Variants in MS4A4A observed in about 807,000 individuals in gnomAD.
MS4A4A encodes membrane spanning 4-domains A4A.
Under a neutral mutation model 28.0 loss-of-function variants are expected in MS4A4A, and 26 were observed. The ratio of observed to expected loss-of-function variants is 0.93; its 90% CI spans 0.68 to 1.29. The LOEUF is 1.29. Among genes scored for constraint, MS4A4A ranks in the 50% most tolerant of loss-of-function variants. The pLI is 0.00. For synonymous variants in MS4A4A, 86 were observed against 100.8 expected (o/e 0.85, Z 0.88); for missense variants, 290 against 293.1 (o/e 0.99, Z 0.08).
chr11:60,281,648 C>T lies in MS4A4A; in HGVS notation c.41+932C>T, dbSNP rs551279466. Among the ~76,000 whole-genome samples the T allele has an allele frequency of 2.0e-5, 3 of 152,250 alleles. No individual in the cohort carries two copies. In the East Asian group the frequency reaches 5.8e-4, roughly 29 times the overall value. On this transcript the variant is annotated intron_variant, in intron 1 of 6. Coordinates refer to ENST00000337908, the MANE Select transcript of MS4A4A (RefSeq NM_148975.3). ...ACGGATGGCTGTTTGTACCACTCTCCTCATGCTCTCTCCTTGCAATTGTGA... is the reference window on the plus strand; with the variant it reads ...ACGGATGGCTGTTTGTACCACTCTCTTCATGCTCTCTCCTTGCAATTGTGA...
rs770080559 is a variant in MS4A4A at position 60,300,982 on chromosome 11, T to C, written c.331-19T>C. On this transcript the variant is annotated intron_variant, in intron 3 of 6. Coordinates refer to ENST00000337908, the MANE Select transcript of MS4A4A (RefSeq NM_148975.3). ...ACTGGCTTAAAGTTTTTTACCTTCA[T>C]TTTTTCTCTCATTTTTAGTTTATTA... The C allele has an allele frequency of 6.3e-7, 1 of 1,582,392 alleles. No individual in the cohort carries two copies. The highest frequency in any genetic ancestry group is 1.2e-5 in the South Asian group (1 of 86,448).
In MS4A4A at chr11:60,292,293, T is replaced by C; in HGVS notation, c.110T>C (p.Val37Ala). The C allele has an allele frequency of 1.2e-6, 2 of 1,608,400 alleles. No individual in the cohort carries two copies. Among genetic ancestry groups the C allele is most frequent in the Non-Finnish European group, 1.7e-6 (2 of 1,177,522 alleles). ...EQAMPGAGPGVPQLGNMAVIH... is the reference protein window; with the variant it reads ...EQAMPGAGPGAPQLGNMAVIH... Reference sequence around the variant, plus strand: ...GCCATGCCAGGGGCTGGCCCTGGTGTGCCCCAGCTGGGAAACATGGCTGTC... The same window carrying C: ...GCCATGCCAGGGGCTGGCCCTGGTGCGCCCCAGCTGGGAAACATGGCTGTC... The change falls in exon 2 of 7, where the codon GTG (valine) becomes GCG (alanine). Residue 37 changes from valine to alanine, a missense_variant. Transcript: ENST00000337908.
At chr11:60,301,211 C>T (rs1015430121) in intron 4 of MS4A4A, among the ~76,000 whole-genome samples, 154 bp downstream of exon 4, 21 of 152,160 alleles carry the variant, frequency 1.4e-4, no homozygotes, top group African/African-American at 4.8e-4. Context: ...TCAAAAACTG[C>T]AGTCAGGCTA....
intron 1 of MS4A4A, among the ~76,000 whole-genome samples, chr11:60,286,145 C>T (rs925213486): frequency 1.3e-5 from 2 of 152,162 alleles, no homozygotes; most frequent in South Asian, 2.1e-4. Flanking sequence ...TTGTTCTGCC[C>T]GGCCCCGCAG....
rs142505660 is a variant in MS4A4A, at chr11:60,308,139, G to A, written c.681G>A (p.Met227Ile). 1 of 1,613,978 alleles carries A rather than the reference G, an allele frequency of 6.2e-7. No individual in the cohort carries two copies. Among genetic ancestry groups the A allele is most frequent in the Admixed American group, 1.7e-5 (1 of 60,012 alleles). ...TAATTCTGCCATCACATTCTCACAT[G>A]GCAGAAACAGCATCTCCCACACCAC... ...VVLILPSHSHMAETASPTPLN... is the reference protein window; with the variant it reads ...VVLILPSHSHIAETASPTPLN... Residue 227 changes from methionine (M) to isoleucine (I), a missense_variant, in exon 7 of 7, where the codon ATG (methionine) becomes ATA (isoleucine). By Grantham distance (10) the Met-to-Ile change is conservative. Coordinates refer to ENST00000337908, the MANE Select transcript of MS4A4A (RefSeq NM_148975.3).
chr11:60,284,295 T>C (rs17154674), intron 1 of MS4A4A, among the ~76,000 whole-genome samples: 2,177 of 152,278 alleles, frequency 0.014, 121 homozygotes, highest in Admixed American at 0.1. Context: ...AAATGCTAAA[T>C]ACATATTGAC....
In MS4A4A at chr11:60,308,939, T is replaced by G. The variant is rs1019669220; in HGVS notation, c.*761T>G. ...ATTTGTTAAATACGTTTGTTTTTAT[T>G]GCAGAGCAAAAATAAATCAAATTAG... On this transcript the variant is annotated 3_prime_UTR_variant, in exon 7 of 7. Coordinates refer to ENST00000337908, the MANE Select transcript of MS4A4A (RefSeq NM_148975.3). 6.6e-6 allele frequency: 1 copy of G among 152,258 alleles called. No homozygotes were observed. The highest frequency in any genetic ancestry group is 1.5e-5 in the Non-Finnish European group (1 of 68,048). The allele number at this position is 152,258 out of a possible 1,614,324, so 9.4% of individuals were successfully genotyped here.
At chr11:60,286,606 C>T (rs2084805881) in intron 1 of MS4A4A, among the ~76,000 whole-genome samples, 1 of 152,218 alleles carries the variant, frequency 6.6e-6, no homozygotes, top group South Asian at 2.1e-4. Flanking sequence ...ATTACCCACC[C>T]TCTATGCTCA....
At chr11:60,282,178 A>T (rs2084760572) in intron 1 of MS4A4A, among the ~76,000 whole-genome samples, 1 of 152,178 alleles carries the variant, frequency 6.6e-6, no homozygotes, top group Admixed American at 6.5e-5. Flanking sequence ...ATTTTGATAT[A>T]ATTGCTCTGC....
intron 1 of MS4A4A, among the ~76,000 whole-genome samples, chr11:60,287,151 C>T (rs1472022663): frequency 6.6e-6 from 1 of 152,208 alleles, no homozygotes; most frequent in Non-Finnish European, 1.5e-5. Flanking sequence ...TAGACTTGTA[C>T]TGTCCTCCCA....
intron 2 of MS4A4A, among the ~76,000 whole-genome samples, chr11:60,296,371 T>A (rs185806823): frequency 1.3e-5 from 2 of 152,186 alleles, no homozygotes; most frequent in East Asian, 3.9e-4. Context: ...TTAGGCTGGC[T>A]AGAGGCTTTT....
At chr11:60,301,790 G>T (rs1284583346) in intron 4 of MS4A4A, among the ~76,000 whole-genome samples, 1 of 151,738 alleles carries the variant, frequency 6.6e-6, no homozygotes, top group African/African-American at 2.4e-5. Context: ...TTGGTTTTTG[G>T]TTTTTTGAGA....
chr11:60,286,524 C>T (rs2084805122), intron 1 of MS4A4A, among the ~76,000 whole-genome samples: 1 of 152,196 alleles, frequency 6.6e-6, no homozygotes, highest in Non-Finnish European at 1.5e-5. Flanking sequence ...GTTCTTCAGC[C>T]ATGGCTTCAG....
Position 60,308,970 on chromosome 11 carries a change from A to G in MS4A4A, c.*792A>G, listed in dbSNP as rs1426754882. On this transcript the variant is annotated 3_prime_UTR_variant, in exon 7 of 7. Transcript: ENST00000337908. ...GCAAAAATAAATCAAATTAGAAGCA[A>G]TACTTTCATGTGCTACCTACTTCCT... The G allele has an allele frequency of 2.0e-5, 3 of 152,244 alleles. No homozygotes were observed. Among genetic ancestry groups the G allele is most frequent in the African/African-American group, 4.8e-5 (2 of 41,456 alleles). 9.4% of individuals were successfully genotyped at this position (152,244 alleles called of 1,614,324 possible).
chr11:60,295,914 A>G (rs926955075), intron 2 of MS4A4A, among the ~76,000 whole-genome samples: 2 of 152,050 alleles, frequency 1.3e-5, no homozygotes, highest in African/African-American at 4.8e-5. Context: ...GGATTTTTGC[A>G]TATTTGTTCA....
intron 6 of MS4A4A, among the ~76,000 whole-genome samples, chr11:60,306,641 GT>G (rs2085005565): frequency 6.6e-6 from 1 of 152,130 alleles, no homozygotes; most frequent in Non-Finnish European, 1.5e-5. Flanking sequence ...CTATACACAG[GT>G]TCCATCCACA....
chr11:60,286,833 C>G (rs566198644), intron 1 of MS4A4A, among the ~76,000 whole-genome samples: 181 of 152,298 alleles, frequency 1.2e-3, no homozygotes, highest in African/African-American at 4.1e-3. Flanking sequence ...TCCAGCCGCT[C>G]TTTGACTTTT....
At chr11:60,290,160 G>T (rs2084841850) in intron 1 of MS4A4A, 1 of 413,738 alleles carries the variant, frequency 2.4e-6, no homozygotes, top group East Asian at 7.3e-5. Flanking sequence ...CTTTACTACT[G>T]ACTTCGATGA....
At chr11:60,288,848 T>C (rs1255502075) in intron 1 of MS4A4A, among the ~76,000 whole-genome samples, 1 of 152,180 alleles carries the variant, frequency 6.6e-6, no homozygotes, top group African/African-American at 2.4e-5. Flanking sequence ...TAGTCAGTTC[T>C]AGGGAGGTGG....
Sources: allele counts gnomAD v4.1 joint callset (sites outside exome capture counted in the v4.1 genomes callset), GRCh38; gene constraint gnomAD v4.1.1; transcripts MANE v1.5; gene names NCBI Gene and HGNC (gene_info 2026-07-23, HGNC 2026-07-21).